The following SLC25A21 variants were observed in gnomAD, a reference collection of about 807,000 sequenced individuals.
SLC25A21 encodes the protein mitochondrial 2-oxodicarboxylate carrier.
A neutral mutation model predicts 43.8 loss-of-function variants in SLC25A21; 47 were observed. The observed-to-expected ratio is 1.07, with a 90% CI of 0.85 to 1.37. The LOEUF (loss-of-function observed/expected upper bound fraction) is 1.37. Among genes scored for constraint, SLC25A21 ranks in the 40% most tolerant of loss-of-function variants. SLC25A21 has a pLI of 0.00. For missense variants in SLC25A21, 352 were observed against 350.2 expected (o/e 1.00, Z -0.04); for synonymous variants, 131 against 121.3 (o/e 1.08, Z -0.52).
intron 2 of SLC25A21, among the ~76,000 whole-genome samples, chr14:36,853,376 A>G (rs1331146765): frequency 6.6e-6 from 1 of 152,200 alleles, no homozygotes; most frequent in Non-Finnish European, 1.5e-5. Context: ...CCTCTTATAA[A>G]CAAATGCTCA....
At chr14:36,858,202 T>A (rs1462542553) in intron 2 of SLC25A21, among the ~76,000 whole-genome samples, 1 of 152,130 alleles carries the variant, frequency 6.6e-6, no homozygotes, top group African/African-American at 2.4e-5. Flanking sequence ...GAATGACCCA[T>A]GATTCAGGGC....
intron 1 of SLC25A21, among the ~76,000 whole-genome samples, chr14:37,054,159 G>C (rs1408893615): frequency 6.6e-6 from 1 of 152,164 alleles, no homozygotes; most frequent in Non-Finnish European, 1.5e-5. Flanking sequence ...AACATTCTCT[G>C]TGGAAGACCT....
At chr14:37,087,646 C>T (rs909934747) in intron 1 of SLC25A21, among the ~76,000 whole-genome samples, 3 of 152,146 alleles carry the variant, frequency 2.0e-5, no homozygotes, top group East Asian at 1.9e-4. Context: ...ATGTGACGAA[C>T]GCATCTACTC....
chr14:36,984,993 G>A (rs1960113201), intron 1 of SLC25A21, among the ~76,000 whole-genome samples: 1 of 151,268 alleles, frequency 6.6e-6, no homozygotes, highest in Non-Finnish European at 1.5e-5. Flanking sequence ...ATACTATGCA[G>A]CCATAAAAAA....
intron 1 of SLC25A21, among the ~76,000 whole-genome samples, chr14:37,100,311 G>T (rs1962793240): frequency 6.6e-6 from 1 of 151,926 alleles, no homozygotes; most frequent in Non-Finnish European, 1.5e-5. Flanking sequence ...CCCCGCCTCG[G>T]CCTCCCAAAG....
At chr14:37,102,358 G>A (rs1364326400) in intron 1 of SLC25A21, among the ~76,000 whole-genome samples, 3 of 151,670 alleles carry the variant, frequency 2.0e-5, no homozygotes, top group Non-Finnish European at 4.4e-5. Flanking sequence ...CAGGAGAATC[G>A]CTTGAACCAG....
At chr14:37,050,886 T>C (rs779257735) in intron 1 of SLC25A21, among the ~76,000 whole-genome samples, 9 of 152,134 alleles carry the variant, frequency 5.9e-5, no homozygotes, top group Non-Finnish European at 8.8e-5. Flanking sequence ...AAAAAGCAGG[T>C]TTTCTACTTA....
intron 1 of SLC25A21, among the ~76,000 whole-genome samples, chr14:37,010,763 G>C (rs572480327): frequency 6.6e-6 from 1 of 152,172 alleles, no homozygotes; most frequent in Admixed American, 6.5e-5. Context: ...TTACTTTTTA[G>C]AGACAGGGTC....
chr14:36,873,976 A>G (rs1208504490), intron 2 of SLC25A21, among the ~76,000 whole-genome samples: 2 of 152,180 alleles, frequency 1.3e-5, no homozygotes, highest in Admixed American at 6.5e-5. Context: ...CCAGTCTATA[A>G]TATTTTGTTA....
At chr14:36,989,262 G>A (rs1960211881) in intron 1 of SLC25A21, among the ~76,000 whole-genome samples, 2 of 152,120 alleles carry the variant, frequency 1.3e-5, no homozygotes, top group Non-Finnish European at 2.9e-5. Flanking sequence ...GCTTGAGTGT[G>A]CAATGATCCA....
At chr14:36,796,379 CTCTTTCTCTT>C (rs5807908) in intron 3 of SLC25A21, among the ~76,000 whole-genome samples, 26,758 of 146,974 alleles carry the variant, frequency 0.18, 2,488 homozygotes, top group Middle Eastern at 0.25. Context: ...ATTTATTTCT[CTCTTTCTCTT>C]TCTTTCTCTT....
chr14:37,072,286 A>G (rs1377267122), intron 1 of SLC25A21, among the ~76,000 whole-genome samples: 1 of 151,716 alleles, frequency 6.6e-6, no homozygotes, highest in Middle Eastern at 3.2e-3. Context: ...TTCTGAGAGG[A>G]CTCTGCATCC....
intron 1 of SLC25A21, among the ~76,000 whole-genome samples, chr14:37,057,804 C>A (rs558736733): frequency 6.6e-6 from 1 of 152,244 alleles, no homozygotes; most frequent in South Asian, 2.1e-4. Flanking sequence ...ATTTTGAGAG[C>A]GTTTTCCCTT....
intron 1 of SLC25A21, among the ~76,000 whole-genome samples, chr14:36,984,327 C>T (rs1960097039): frequency 6.6e-6 from 1 of 152,116 alleles, no homozygotes; most frequent in East Asian, 1.9e-4. Context: ...GTTTGAAAAA[C>T]AAAGACTAAG....
chr14:37,034,632 T>A (rs1961288503), intron 1 of SLC25A21, among the ~76,000 whole-genome samples: 1 of 152,180 alleles, frequency 6.6e-6, no homozygotes, highest in East Asian at 1.9e-4. Context: ...ATCCTGCATG[T>A]CAGCGACAAA....
chr14:36,897,477 T>C (rs1283531488), intron 1 of SLC25A21, among the ~76,000 whole-genome samples: 3 of 152,176 alleles, frequency 2.0e-5, no homozygotes, highest in Non-Finnish European at 4.4e-5. Context: ...TGCCATGGGT[T>C]CGAACTTCCT....
intron 3 of SLC25A21, among the ~76,000 whole-genome samples, chr14:36,795,558 A>G (rs1158564976): frequency 1.3e-5 from 2 of 152,214 alleles, no homozygotes; most frequent in African/African-American, 4.8e-5. Flanking sequence ...GGAAGGATGG[A>G]TTTATAAAAG....
intron 1 of SLC25A21, among the ~76,000 whole-genome samples, chr14:37,028,937 A>T (rs1029536316): frequency 3.9e-5 from 6 of 152,228 alleles, no homozygotes; most frequent in Admixed American, 1.3e-4. Context: ...ATAGTTTTGT[A>T]GGTTTCCTAA....
chr14:36,704,065 A>G (rs1883393342), intron 7 of SLC25A21, among the ~76,000 whole-genome samples: 1 of 152,202 alleles, frequency 6.6e-6, no homozygotes. Flanking sequence ...TCTTTCCTCT[A>G]TTGTAGTCAC....
Sources: gnomAD v4.1 joint callset for allele counts (sites outside exome capture counted in the v4.1 genomes callset) on GRCh38, gnomAD v4.1.1 for gene constraint, MANE v1.5 for transcripts, NCBI Gene and HGNC (gene_info 2026-07-23, HGNC 2026-07-21) for gene names.